Variants in VTI1A observed in about 807,000 individuals in gnomAD.
The protein encoded by VTI1A is vesicle transport through interaction with t-SNAREs 1A.
A neutral mutation model predicts 34.9 loss-of-function variants in VTI1A; 22 were observed. That is an observed-to-expected ratio of 0.63 (90% CI 0.45 to 0.90). The LOEUF (loss-of-function observed/expected upper bound fraction) is 0.90, where lower values mean the gene tolerates loss of function less well. Ranked by LOEUF, VTI1A falls within the 40% of genes least tolerant of loss-of-function variation. The pLI, the probability that VTI1A is intolerant of heterozygous loss-of-function variation, is 0.00. For synonymous variants in VTI1A, 87 were observed against 97.3 expected, an observed-to-expected ratio of 0.89 and a Z score of 0.62; for missense variants, 268 against 275.6, an observed-to-expected ratio of 0.97 and a Z score of 0.20.
chr10:112,576,414 A>C (rs1843713812), intron 5 of VTI1A, among the ~76,000 whole-genome samples: 2 of 152,136 alleles, frequency 1.3e-5, no homozygotes, highest in South Asian at 4.1e-4. Context: ...AGTACCTCCT[A>C]GGAGCCAGGC....
At chr10:112,530,283 T>A (rs1850371993) in intron 4 of VTI1A, among the ~76,000 whole-genome samples, 1 of 152,230 alleles carries the variant, frequency 6.6e-6, no homozygotes, top group East Asian at 1.9e-4. Context: ...ATTATCATTC[T>A]ATTCTTTGAA....
intron 7 of VTI1A, among the ~76,000 whole-genome samples, chr10:112,684,159 A>T (rs1236698794): frequency 6.6e-6 from 1 of 152,130 alleles, no homozygotes; most frequent in Non-Finnish European, 1.5e-5. Flanking sequence ...GGCATATTTT[A>T]TTCCAGTTTT....
At chr10:112,772,139 A>G (rs923843222) in intron 7 of VTI1A, among the ~76,000 whole-genome samples, 12 of 152,218 alleles carry the variant, frequency 7.9e-5, no homozygotes, top group Admixed American at 4.6e-4. Context: ...CTGCTTTCCA[A>G]AGCAGCTGTA....
At chr10:112,691,979 T>C (rs914789450) in intron 7 of VTI1A, among the ~76,000 whole-genome samples, 1 of 152,258 alleles carries the variant, frequency 6.6e-6, no homozygotes, top group African/African-American at 2.4e-5. Context: ...TTCAATACTG[T>C]TTCTAATGTC....
At chr10:112,671,877 C>T (rs1847862314) in intron 7 of VTI1A, 1 of 152,088 alleles carries the variant, frequency 6.6e-6, no homozygotes, top group Admixed American at 6.6e-5. Flanking sequence ...TTCCTTTCTT[C>T]TCTTCTTTCT....
chr10:112,633,817 T>G (rs703332), intron 5 of VTI1A, among the ~76,000 whole-genome samples: 83,432 of 151,386 alleles, frequency 0.55, 25,052 homozygotes, highest in Non-Finnish European at 0.68. Context: ...TTTAGTTAGT[T>G]AATTTATTTA....
chr10:112,622,891 G>C (rs1004933557), intron 5 of VTI1A, among the ~76,000 whole-genome samples: 6 of 152,212 alleles, frequency 3.9e-5, no homozygotes, highest in Non-Finnish European at 4.4e-5. Context: ...AGTGCATTTA[G>C]ACAAGCTGGG....
chr10:112,694,362 T>TTGGA (rs113264700), intron 7 of VTI1A, among the ~76,000 whole-genome samples: 5,774 of 151,404 alleles, frequency 0.038, 368 homozygotes, highest in African/African-American at 0.13. Flanking sequence ...CAGGAAGTAT[T>TTGGA]TGGATGGATG....
At chr10:112,587,895 A>G (rs1424614576) in intron 5 of VTI1A, among the ~76,000 whole-genome samples, 4 of 150,834 alleles carry the variant, frequency 2.7e-5, no homozygotes, top group African/African-American at 9.7e-5. Flanking sequence ...TTAATGCAGT[A>G]CTTTATTCAA....
At chr10:112,468,925 C>G (rs995826191) in intron 3 of VTI1A, among the ~76,000 whole-genome samples, 1 of 152,202 alleles carries the variant, frequency 6.6e-6, no homozygotes, top group African/African-American at 2.4e-5. Flanking sequence ...CTAAATATCT[C>G]TACTACTGAA....
intron 3 of VTI1A, among the ~76,000 whole-genome samples, chr10:112,500,691 G>T (rs1337185940): frequency 6.6e-6 from 1 of 152,080 alleles, no homozygotes; most frequent in Non-Finnish European, 1.5e-5. Context: ...GCTTCTCCTA[G>T]ATCAATGTTG....
At chr10:112,841,714 T>G in the VTI1A span, among the ~76,000 whole-genome samples, 31,750 of 152,146 alleles carry the variant, frequency 0.21, 3,543 homozygotes, top group Middle Eastern at 0.27. Context: ...GCACCAGATG[T>G]GGGGTGCGGC....
At chr10:112,478,370 T>C (rs7917282) in intron 3 of VTI1A, among the ~76,000 whole-genome samples, 101,132 of 152,070 alleles carry the variant, frequency 0.67, 34,749 homozygotes, top group Non-Finnish European at 0.75. Context: ...AAATAGATAA[T>C]GTTAAAACAC....
At chr10:112,700,617 A>T (rs1038127622) in intron 7 of VTI1A, among the ~76,000 whole-genome samples, 19 of 152,232 alleles carry the variant, frequency 1.2e-4, no homozygotes, top group African/African-American at 4.3e-4. Context: ...CCATACCTTT[A>T]GCCAAATTGC....
intron 5 of VTI1A, among the ~76,000 whole-genome samples, chr10:112,560,728 C>T (rs889691418): frequency 2.0e-5 from 3 of 151,508 alleles, no homozygotes; most frequent in African/African-American, 7.3e-5. Flanking sequence ...TCCCGAGTAG[C>T]TGGGACTACA....
At chr10:112,661,772 T>G (rs1847466308) in intron 5 of VTI1A, among the ~76,000 whole-genome samples, 1 of 147,696 alleles carries the variant, frequency 6.8e-6, no homozygotes, top group Non-Finnish European at 1.5e-5. Context: ...AAGTTTTTTT[T>G]TTTTTTTTTT....
chr10:112,481,052 GTGC>G (rs1848445499), intron 3 of VTI1A, among the ~76,000 whole-genome samples: 1 of 152,164 alleles, frequency 6.6e-6, no homozygotes, highest in Non-Finnish European at 1.5e-5. Flanking sequence ...AAGGTTACTT[GTGC>G]TGGGTAATAT....
At chr10:112,808,691 T>C (rs568725335) in intron 7 of VTI1A, among the ~76,000 whole-genome samples, 1 of 150,804 alleles carries the variant, frequency 6.6e-6, no homozygotes, top group East Asian at 1.9e-4. Flanking sequence ...CAATGGGGAA[T>C]TGTTTGGCTC....
the VTI1A span, among the ~76,000 whole-genome samples, chr10:112,852,174 TTATAA>T: frequency 1.3e-5 from 2 of 152,190 alleles, no homozygotes; most frequent in South Asian, 4.1e-4. Context: ...ATTAAATATG[TTATAA>T]TATAAGACAC....
Sources: allele counts gnomAD v4.1 joint callset (sites outside exome capture counted in the v4.1 genomes callset), GRCh38; gene constraint gnomAD v4.1.1; transcripts MANE v1.5; gene names NCBI Gene and HGNC (gene_info 2026-07-23, HGNC 2026-07-21).